Variants in RGS3 observed in about 807,000 individuals in gnomAD.
RGS3 encodes the protein regulator of G protein signaling 3.
RGS3 carries 80 observed loss-of-function variants against 132.6 expected under a neutral mutation model. The observed-to-expected ratio is 0.60, with a 90% confidence interval of 0.50 to 0.73. RGS3 has a LOEUF of 0.73. RGS3 is among the 30% of genes least tolerant of loss of function. The pLI is 0.00. For synonymous variants in RGS3, 598 were observed against 620.6 expected (o/e 0.96, Z 0.54); for missense variants, 1,382 against 1,530.8 (o/e 0.90, Z 1.62).
intron 19 of RGS3, among the ~76,000 whole-genome samples, chr9:113,572,991 C>A (rs988370590): frequency 1.3e-5 from 2 of 152,230 alleles, no homozygotes; most frequent in Non-Finnish European, 2.9e-5. Context: ...CGATGATCGT[C>A]ATGAGAGTAA....
At chr9:113,582,030 C>A (rs916724889) in intron 19 of RGS3, 2 of 985,570 alleles carry the variant, frequency 2.0e-6, no homozygotes, top group Non-Finnish European at 2.4e-6. Context: ...GTGGCTCTTA[C>A]CCGTGCCGAG....
chr9:113,497,477 G>A, intron 9 of RGS3, 73 bp downstream of exon 7: 1 of 1,279,550 alleles, frequency 7.8e-7, no homozygotes. Flanking sequence ...AGCGGCATCA[G>A]TACTGGTATT....
At chr9:113,461,212 G>A (rs1403069252) in intron 1 of RGS3, among the ~76,000 whole-genome samples, 3 of 152,150 alleles carry the variant, frequency 2.0e-5, no homozygotes, top group Admixed American at 6.6e-5. Flanking sequence ...GATAATGTAT[G>A]TGTGGAGTGT....
At chr9:113,548,873 C>T (rs1211280463) in intron 19 of RGS3, among the ~76,000 whole-genome samples, 2 of 152,184 alleles carry the variant, frequency 1.3e-5, no homozygotes, top group African/African-American at 2.4e-5. Context: ...ACTCCTGGGA[C>T]CGGATGTGGT....
intron 1 of RGS3, among the ~76,000 whole-genome samples, chr9:113,445,387 C>T (rs1238441674): frequency 6.6e-6 from 1 of 151,836 alleles, no homozygotes; most frequent in Non-Finnish European, 1.5e-5. Context: ...TTAGTAGAGA[C>T]GGGGTTTCTC....
chr9:113,465,476 T>C (rs113643288), intron 3 of RGS3, among the ~76,000 whole-genome samples: 101 of 151,524 alleles, frequency 6.7e-4, no homozygotes, highest in South Asian at 5.0e-3. Context: ...TGTGTGTGTG[T>C]GTGTGCCTGT....
At chr9:113,529,129 C>G (rs1178013066) in intron 17 of RGS3, 92 bp from the exon 16 acceptor site, 2 of 971,782 alleles carry the variant, frequency 2.1e-6, no homozygotes, top group South Asian at 1.3e-5. Flanking sequence ...CCACACACAG[C>G]CTTCTGGGCA....
At chr9:113,555,753 C>T (rs756386671) in intron 19 of RGS3, among the ~76,000 whole-genome samples, 6 of 152,184 alleles carry the variant, frequency 3.9e-5, no homozygotes, top group Non-Finnish European at 8.8e-5. Flanking sequence ...GCGTGAGCCA[C>T]CCTGGCCGGT....
At chr9:113,469,133 A>G (rs1588137330) in intron 3 of RGS3, among the ~76,000 whole-genome samples, 2 of 130,356 alleles carry the variant, frequency 1.5e-5, no homozygotes, top group Non-Finnish European at 3.1e-5. Flanking sequence ...GCCTCTCTTT[A>G]GAAGCCGTGG....
At chr9:113,556,971 C>T (rs1300997451) in intron 19 of RGS3, among the ~76,000 whole-genome samples, 2 of 152,220 alleles carry the variant, frequency 1.3e-5, no homozygotes, top group African/African-American at 4.8e-5. Context: ...CTGTCAACAG[C>T]AGCTGCGATG....
chr9:113,587,270 C>T (rs549052430), intron 20 of RGS3, among the ~76,000 whole-genome samples: 158 of 152,284 alleles, frequency 1.0e-3, no homozygotes, highest in African/African-American at 3.7e-3. Flanking sequence ...GGCAGGTTCC[C>T]CCATGACTTC....
intron 7 of RGS3, among the ~76,000 whole-genome samples, chr9:113,488,700 T>A (rs1224587616): frequency 7.2e-5 from 11 of 152,156 alleles, no homozygotes; most frequent in Admixed American, 7.2e-4. Flanking sequence ...TGAGATGCCT[T>A]ATTAAACAAA....
At chr9:113,448,483 C>G (rs111296842) in intron 1 of RGS3, among the ~76,000 whole-genome samples, 5,834 of 152,104 alleles carry the variant, frequency 0.038, 155 homozygotes, top group South Asian at 0.098. Context: ...TGGCTATTTT[C>G]TACTCATTCT....
At chr9:113,561,940 G>A (rs896753564) in intron 19 of RGS3, among the ~76,000 whole-genome samples, 7 of 152,294 alleles carry the variant, frequency 4.6e-5, no homozygotes, top group Admixed American at 1.3e-4. Flanking sequence ...GCTGAACCTC[G>A]CTGGTCCTAG....
chr9:113,483,359 T>G (rs558179740), intron 5 of RGS3, among the ~76,000 whole-genome samples: 6 of 152,194 alleles, frequency 3.9e-5, no homozygotes, highest in African/African-American at 4.8e-5. Flanking sequence ...TGGTCATCTA[T>G]ATAGGTGGGC....
intron 17 of RGS3, among the ~76,000 whole-genome samples, chr9:113,526,208 C>G (rs1374232988): frequency 2.0e-5 from 3 of 152,218 alleles, no homozygotes; most frequent in Non-Finnish European, 4.4e-5. Flanking sequence ...GATTATTAGG[C>G]TCTCCAGTCA....
chr9:113,551,628 T>C (rs958298895), intron 19 of RGS3, among the ~76,000 whole-genome samples: 2 of 152,140 alleles, frequency 1.3e-5, no homozygotes, highest in East Asian at 3.8e-4. Context: ...GGTGGGCCGA[T>C]TGCTTGAGTC....
intron 19 of RGS3, among the ~76,000 whole-genome samples, chr9:113,573,765 A>G (rs545395729): frequency 8.3e-4 from 127 of 152,256 alleles, no homozygotes; most frequent in Non-Finnish European, 1.4e-3. Flanking sequence ...GTCTCCAACC[A>G]TGTGGAGTCC....
In RGS3 at chr9:113,506,807, T is replaced by C. The variant is rs1831151146; in HGVS notation, c.1085+314T>C. 6.6e-6 allele frequency among the ~76,000 whole-genome samples: 1 copy of C among 152,206 alleles called. No individual in the cohort carries two copies. Among genetic ancestry groups the C allele is most frequent in the South Asian group, 2.1e-4 (1 of 4,834 alleles). On this transcript the variant is annotated intron_variant, in intron 12 of 24. Coordinates refer to ENST00000350696, the Ensembl canonical transcript of RGS3. This position sits in a 1 kb window ranked among gnomAD's most constrained non-coding sequence, Gnocchi z 4.7. ...ACCTAAGAGCTAAGCCCATTTGTTA[T>C]TTAAGGGCATGAAGATGTTGCAAAT...
Sources: gnomAD v4.1 joint callset for allele counts (sites outside exome capture counted in the v4.1 genomes callset) on GRCh38, gnomAD v4.1.1 for gene constraint, Gnocchi (gnomAD v3.1) non-coding constraint, MANE v1.5 for transcripts, NCBI Gene and HGNC (gene_info 2026-07-23, HGNC 2026-07-21) for gene names.